The following DIAPH3 variants were observed in gnomAD, a reference collection of about 807,000 sequenced individuals.
DIAPH3 encodes protein diaphanous homolog 3.
In DIAPH3, 117 loss-of-function variants were observed where a neutral mutation model predicts 144.3. The observed-to-expected ratio is 0.81, with a 90% CI of 0.70 to 0.95. DIAPH3 has a LOEUF of 0.95. DIAPH3 is among the 40% of genes least tolerant of loss of function. The pLI is 0.00. For synonymous variants in DIAPH3, 519 were observed against 488.9 expected (o/e 1.06, Z -0.81); for missense variants, 1,421 against 1,412.7 (o/e 1.01, Z -0.09).
intron 13 of DIAPH3, 76 bp from the exon 14 acceptor site, chr13:59,980,935 A>T: frequency 8.2e-7 from 1 of 1,226,256 alleles, no homozygotes. Context: ...TTAGAAAGAA[A>T]AAAGATCATA....
intron 27 of DIAPH3, among the ~76,000 whole-genome samples, chr13:59,707,985 T>TAA (rs34813239): frequency 1.4e-5 from 2 of 142,710 alleles, no homozygotes; most frequent in East Asian, 2.0e-4. Flanking sequence ...CTCTCATCTT[T>TAA]AAAAAAAAAA....
Position 59,991,221 on chromosome 13 carries a change from G to T in DIAPH3, c.1298C>A (p.Ala433Glu). 1 of 1,611,286 alleles carries T rather than the reference G, an allele frequency of 6.2e-7. No individual in the cohort carries two copies. Among genetic ancestry groups the T allele is most frequent in the Non-Finnish European group, 8.5e-7 (1 of 1,178,622 alleles). Residue 433 changes from alanine to glutamate, a missense_variant, in exon 12 of 28, where the codon GCA (alanine) becomes GAA (glutamate). Transcript: ENST00000400324. Reference protein sequence around the residue: ...MVWSTVKETRAEGYFISILQH... With the variant: ...MVWSTVKETREEGYFISILQH... ...AAGAATAGAAATAAAATATCCCTCT[G>T]CTCTAGTTTCTTTAACTGTGCTCCA...
chr13:60,135,495 A>G (rs1329844990), intron 1 of DIAPH3, among the ~76,000 whole-genome samples: 1 of 152,174 alleles, frequency 6.6e-6, no homozygotes, highest in East Asian at 1.9e-4. Flanking sequence ...AGAGTATAAC[A>G]GAGTCTGAGA....
At chr13:60,023,862 T>TTC (rs1456658035) in intron 5 of DIAPH3, among the ~76,000 whole-genome samples, 2 of 139,634 alleles carry the variant, frequency 1.4e-5, no homozygotes, top group Non-Finnish European at 3.1e-5. Flanking sequence ...TTTTTTTTTT[T>TTC]TTTTTTTTTT....
chr13:59,963,165 A>G (rs1268706922), intron 17 of DIAPH3, among the ~76,000 whole-genome samples: 1 of 152,176 alleles, frequency 6.6e-6, no homozygotes, highest in Non-Finnish European at 1.5e-5. Context: ...AAAGGTCTCT[A>G]ACCTGGCTTA....
At chr13:59,785,793 G>C (rs910621238) in intron 25 of DIAPH3, among the ~76,000 whole-genome samples, 1 of 151,942 alleles carries the variant, frequency 6.6e-6, no homozygotes, top group African/African-American at 2.4e-5. Flanking sequence ...GTCTAATAAG[G>C]CATATATGTA....
chr13:60,033,203 A>G (rs77453303), intron 5 of DIAPH3, among the ~76,000 whole-genome samples: 2,122 of 152,340 alleles, frequency 0.014, 66 homozygotes, highest in East Asian at 0.1. Flanking sequence ...ATGAGTCGCA[A>G]GGAAGTTTCA....
chr13:59,941,375 C>T (rs374486393), intron 17 of DIAPH3, among the ~76,000 whole-genome samples: 1 of 152,110 alleles, frequency 6.6e-6, no homozygotes, highest in African/African-American at 2.4e-5. Flanking sequence ...AATTCATATA[C>T]ACCTCTGGAG....
chr13:59,940,866 G>C (rs1409053871), intron 17 of DIAPH3, among the ~76,000 whole-genome samples: 2 of 152,318 alleles, frequency 1.3e-5, no homozygotes, highest in East Asian at 3.9e-4. Flanking sequence ...CTGCAAATGT[G>C]ATGACAGAAG....
chr13:59,779,573 A>G (rs341538), intron 25 of DIAPH3, among the ~76,000 whole-genome samples: 148,309 of 151,594 alleles, frequency 0.98, 72,632 homozygotes, highest in East Asian at 1. Context: ...GTGCAGTGGC[A>G]TGATCTCAGC....
At chr13:59,897,249 G>A (rs2046159297) in intron 20 of DIAPH3, among the ~76,000 whole-genome samples, 1 of 152,168 alleles carries the variant, frequency 6.6e-6, no homozygotes, top group African/African-American at 2.4e-5. Flanking sequence ...AATTAATAGG[G>A]TGAAATGCTG....
At chr13:60,102,375 A>G (rs764920969) in intron 3 of DIAPH3, among the ~76,000 whole-genome samples, 5 of 152,230 alleles carry the variant, frequency 3.3e-5, no homozygotes, top group African/African-American at 4.8e-5. Context: ...TTTAATAGAA[A>G]TATTTCTATA....
At chr13:59,695,804 C>T (rs1444439212) in intron 27 of DIAPH3, among the ~76,000 whole-genome samples, 5 of 152,084 alleles carry the variant, frequency 3.3e-5, no homozygotes, top group Non-Finnish European at 5.9e-5. Context: ...TAAAATGACC[C>T]TTATCTAAAT....
chr13:59,987,146 T>C (rs2051446982), intron 12 of DIAPH3, among the ~76,000 whole-genome samples: 1 of 151,738 alleles, frequency 6.6e-6, no homozygotes, highest in Non-Finnish European at 1.5e-5. Context: ...TATGCAGCCA[T>C]AAAAAATGAT....
intron 23 of DIAPH3, among the ~76,000 whole-genome samples, 188 bp from the exon 24 acceptor site, chr13:59,833,459 T>C (rs2041887183): frequency 6.6e-6 from 1 of 151,800 alleles, no homozygotes; most frequent in African/African-American, 2.4e-5. Context: ...TTAAATTCAA[T>C]TTCCAATTAA....
At chr13:59,925,539 T>TATTAGTGTAATACTGGC (rs2047713029) in intron 17 of DIAPH3, among the ~76,000 whole-genome samples, 1 of 152,156 alleles carries the variant, frequency 6.6e-6, no homozygotes. Flanking sequence ...CCTCGTCTTG[T>TATTAGTGTAATACTGGC]CTTGGTATTA....
chr13:59,898,678 A>T (rs1379213498), intron 20 of DIAPH3, among the ~76,000 whole-genome samples: 1 of 152,238 alleles, frequency 6.6e-6, no homozygotes, highest in East Asian at 1.9e-4. Context: ...TCCTGCCACC[A>T]TAGATACTTA....
At chr13:59,899,433 A>G (rs1195760223) in intron 20 of DIAPH3, among the ~76,000 whole-genome samples, 1 of 152,234 alleles carries the variant, frequency 6.6e-6, no homozygotes, top group Non-Finnish European at 1.5e-5. Flanking sequence ...AAGAAATGAG[A>G]GAACAAGCCA....
At chr13:59,797,349 T>G (rs1270289518) in intron 25 of DIAPH3, among the ~76,000 whole-genome samples, 2 of 152,312 alleles carry the variant, frequency 1.3e-5, no homozygotes, top group Middle Eastern at 3.4e-3. Flanking sequence ...CATGACATAA[T>G]ATGCGATAAA....
Sources: gnomAD v4.1 joint callset for allele counts (sites outside exome capture counted in the v4.1 genomes callset) on GRCh38, gnomAD v4.1.1 for gene constraint, MANE v1.5 for transcripts, NCBI Gene and HGNC (gene_info 2026-07-23, HGNC 2026-07-21) for gene names.